The following TBRG4 variants were observed in gnomAD, a reference collection of about 807,000 sequenced individuals.
The protein encoded by TBRG4 is transforming growth factor beta regulator 4.
In TBRG4, 43 loss-of-function variants were observed where a neutral mutation model predicts 65.6. The ratio of observed to expected loss-of-function variants is 0.66; its 90% CI spans 0.51 to 0.85. The LOEUF is 0.85. TBRG4 is among the 40% of genes least tolerant of loss of function. The pLI, the probability that TBRG4 is intolerant of heterozygous loss-of-function variation, is 0.00. For missense variants in TBRG4, 709 were observed against 787.9 expected (o/e 0.90, Z 1.20); for synonymous variants, 366 against 341.4 (o/e 1.07, Z -0.79).
At chr7:45,101,672 A>AC in intron 8 of TBRG4, 58 bp from the exon 9 acceptor site, 3 of 1,600,938 alleles carry the variant, frequency 1.9e-6, no homozygotes, top group Non-Finnish European at 2.6e-6. Flanking sequence ...AAACCCCCCC[A>AC]CAGGAAAGAT....
At chr7:45,103,605 C>T (rs916822405) in intron 5 of TBRG4, 162 bp from the exon 6 acceptor site, 7 of 623,066 alleles carry the variant, frequency 1.1e-5, no homozygotes, top group African/African-American at 1.1e-4. Flanking sequence ...GAAGGACTTA[C>T]ACAGGCCCAG....
intron 2 of TBRG4, 65 bp downstream of exon 2, chr7:45,108,762 T>A (rs1321135063): frequency 2.2e-6 from 3 of 1,360,898 alleles, no homozygotes; most frequent in Non-Finnish European, 3.0e-6. Flanking sequence ...CTGGCTGCTG[T>A]GGACCCCAGC....
intron 1 of TBRG4, 68 bp from the exon 2 acceptor site, chr7:45,109,355 G>T: frequency 7.6e-7 from 1 of 1,311,080 alleles, no homozygotes. Context: ...CTTGAGAAAT[G>T]AAATAGTCAA....
At chr7:45,106,033 T>C (rs1426031637) in intron 2 of TBRG4, 1 of 676,704 alleles carries the variant, frequency 1.5e-6, no homozygotes, top group Non-Finnish European at 2.8e-6. Flanking sequence ...AGTCACTGTT[T>C]CTGTGGCAGT....
At chr7:45,111,564 G>C in intron 1 of TBRG4, 79 bp downstream of exon 1, 1 of 1,283,568 alleles carries the variant, frequency 7.8e-7, no homozygotes. Flanking sequence ...CCGCATCCCA[G>C]GACCTTCCCA....
At position 45,108,820 on chromosome 7, in the gene TBRG4, C is replaced by T; in HGVS notation, c.411+7G>A. ...TCTATGCTCTCAGACCACACTCCGG[C>T]ACCCACCTGACTGTTGAGCAGACAG... On this transcript the variant is annotated splice_region_variant and intron_variant, in intron 2 of 10. Coordinates refer to ENST00000258770, the MANE Select transcript of TBRG4 (RefSeq NM_004749.4). The T allele has an allele frequency of 6.6e-7, 1 of 1,525,344 alleles. No individual in the cohort carries two copies. The highest frequency in any genetic ancestry group is 8.8e-7 in the Non-Finnish European group (1 of 1,139,502). 94.5% of individuals were successfully genotyped at this position (1,525,344 alleles called of 1,614,324 possible).
chr7:45,105,997 C>A, intron 2 of TBRG4: 2 of 734,204 alleles, frequency 2.7e-6, no homozygotes, highest in Non-Finnish European at 5.0e-6. Flanking sequence ...TATCCCTGAG[C>A]CTGGGACACA....
chr7:45,102,841 T>G (rs1275311107), intron 6 of TBRG4, among the ~76,000 whole-genome samples: 1 of 152,162 alleles, frequency 6.6e-6, no homozygotes, highest in Non-Finnish European at 1.5e-5. Flanking sequence ...AGGAGGAATC[T>G]CTGGTCCTCT....
At chr7:45,103,252 G>C in intron 6 of TBRG4, 81 bp downstream of exon 6, 1 of 1,208,942 alleles carries the variant, frequency 8.3e-7, no homozygotes, top group Non-Finnish European at 1.2e-6. Context: ...CCTAGCCCGA[G>C]CTGATCTTGG....
Position 45,111,691 on chromosome 7 carries a change from G to T in TBRG4, c.-99C>A, listed in dbSNP as rs1476268356. ...CCATCCGCCGCCCTAACTGTCCCCG[G>T]AACCATGAGGTGCGCGGCGCGCTTC... On this transcript the variant is annotated 5_prime_UTR_variant, in exon 1 of 11. Coordinates refer to ENST00000258770, the MANE Select transcript of TBRG4 (RefSeq NM_004749.4). 3 of 1,289,344 alleles carry T rather than the reference G, an allele frequency of 2.3e-6. No homozygotes were observed. The South Asian group carries it at 3.7e-5, about 16-fold the overall frequency. The allele number at this position is 1,289,344 out of a possible 1,614,324, so 79.9% of individuals were successfully genotyped here.
intron 9 of TBRG4, 37 bp downstream of exon 9, chr7:45,101,466 T>C (rs373826344): frequency 5.0e-6 from 8 of 1,605,232 alleles, no homozygotes; most frequent in Non-Finnish European, 6.8e-6. Flanking sequence ...CCAACAGCCA[T>C]GGTGCCCCCA....
intron 2 of TBRG4, chr7:45,107,477 T>C (rs1784995509): frequency 6.6e-6 from 1 of 152,184 alleles, no homozygotes; most frequent in Non-Finnish European, 1.5e-5. Context: ...CAAGTATGGC[T>C]CTGTCCTTTC....
At position 45,100,306 on chromosome 7, in the gene TBRG4, T is replaced by C; in HGVS notation, c.*19A>G. The C allele has an allele frequency of 6.2e-7, 1 of 1,610,228 alleles. No individual in the cohort carries two copies. Among genetic ancestry groups the C allele is most frequent in the South Asian group, 1.1e-5 (1 of 90,922 alleles). On this transcript the variant is annotated 3_prime_UTR_variant, in exon 11 of 11. Coordinates refer to ENST00000258770, the MANE Select transcript of TBRG4 (RefSeq NM_004749.4). ...AGACCTCCGGCGGAGAGGCACGCAG[T>C]CCATGCTGCTGGCACAAGTCACTTG...
At position 45,102,030 on chromosome 7, in the gene TBRG4, C is replaced by A; in HGVS notation, c.1362G>T (p.Leu454=). The A allele has an allele frequency of 3.2e-6, 5 of 1,565,344 alleles. No individual in the cohort carries two copies. In the South Asian group the frequency reaches 3.5e-5, roughly 11 times the overall value. ...SQKDQNTFQK[L]LHINATALLE... ...GCAGGGCAGTGGCGTTGATGTGGAGCAGCTTCTGGAAGGTGTTCTGATCCT... is the reference window on the plus strand; with the variant it reads ...GCAGGGCAGTGGCGTTGATGTGGAGAAGCTTCTGGAAGGTGTTCTGATCCT... Residue 454 remains leucine, a synonymous_variant, in exon 8 of 11, where the codon CTG becomes CTT. Transcript: ENST00000258770.
At chr7:45,111,043 T>A (rs1785111198) in intron 1 of TBRG4, among the ~76,000 whole-genome samples, 1 of 152,182 alleles carries the variant, frequency 6.6e-6, no homozygotes, top group South Asian at 2.1e-4. Context: ...TGCTGCGATC[T>A]CGAGTCACTG....
intron 10 of TBRG4, among the ~76,000 whole-genome samples, chr7:45,100,916 G>T (rs79825773): frequency 0.043 from 6,498 of 152,332 alleles, 204 homozygotes; most frequent in Non-Finnish European, 0.06. Context: ...GCTGACCAAG[G>T]GGGCAGAGCA....
Position 45,105,508 on chromosome 7 carries a change from G to T in TBRG4, c.668C>A (p.Thr223Lys). 6.2e-7 allele frequency: 1 copy of T among 1,614,188 alleles called. No homozygotes were observed. The highest frequency in any genetic ancestry group is 1.3e-5 in the African/African-American group (1 of 75,076). Reference sequence around the variant, plus strand: ...CACCTTCATCATGACGGTCACTAATGTGTGGGAATCTTCAATTTCTGTCCA... The same window carrying T: ...CACCTTCATCATGACGGTCACTAATTTGTGGGAATCTTCAATTTCTGTCCA... ...RRWTEIEDSH[T>K]LVTVMMKVGH... The change falls in exon 3 of 11, where the codon ACA becomes AAA. Residue 223 changes from threonine (T) to lysine (K), a missense_variant. Physicochemically the swap from Thr to Lys is moderately conservative, Grantham distance 78. Coordinates refer to ENST00000258770, the MANE Select transcript of TBRG4 (RefSeq NM_004749.4).
Position 45,101,902 on chromosome 7 carries a change from T to C in TBRG4, c.1490A>G (p.Gln497Arg). 5 of 1,611,356 alleles carry C rather than the reference T, an allele frequency of 3.1e-6. No homozygotes were observed. The highest frequency in any genetic ancestry group is 4.2e-6 in the Non-Finnish European group (5 of 1,179,238). ...RKVTPLQKEL[Q>R]ETLKGLLGSA... is the part of the protein sequence containing the mutation. ...CCCCAGCAGCCCCTTCAGCGTCTCC[T>C]GCAGCTCCTTTTGCAGGGGGGTCAC... Residue 497 changes from glutamine (Q) to arginine (R), a missense_variant, in exon 8 of 11, where the codon CAG becomes CGG. Physicochemically the swap from Gln to Arg is conservative, Grantham distance 43 (BLOSUM62 1). Transcript: ENST00000258770.
intron 8 of TBRG4, 71 bp downstream of exon 8, chr7:45,101,754 G>A (rs1217632787): frequency 2.1e-5 from 34 of 1,598,034 alleles, no homozygotes; most frequent in Middle Eastern, 2.2e-4. Flanking sequence ...TGCTGCAGAC[G>A]GGGTGGGTTA....
Sources: allele counts gnomAD v4.1 joint callset (sites outside exome capture counted in the v4.1 genomes callset), GRCh38; gene constraint gnomAD v4.1.1; transcripts MANE v1.5; gene names NCBI Gene and HGNC (gene_info 2026-07-23, HGNC 2026-07-21).